The following TLK1 variants were observed in gnomAD, a reference collection of about 807,000 sequenced individuals.
TLK1 encodes tousled like kinase 1, also known as serine/threonine-protein kinase tousled-like 1.
Under a neutral mutation model 105.3 loss-of-function variants are expected in TLK1, and 24 were observed. That is an observed-to-expected ratio of 0.23 (90% CI 0.17 to 0.32). The LOEUF (loss-of-function observed/expected upper bound fraction) is 0.32. Ranked by LOEUF, TLK1 falls within the 10% of genes least tolerant of loss-of-function variation. The pLI, the probability that TLK1 is intolerant of heterozygous loss-of-function variation, is 1.00. For missense variants in TLK1, 558 were observed against 910.5 expected (o/e 0.61, Z 4.98); for synonymous variants, 321 against 310.4 (o/e 1.03, Z -0.36).
intron 1 of TLK1, among the ~76,000 whole-genome samples, chr2:171,181,498 G>T (rs571468389): frequency 4.6e-5 from 7 of 152,174 alleles, no homozygotes; most frequent in Admixed American, 6.5e-5. Context: ...ATAAAGAAAA[G>T]GTTTATTTGG....
chr2:171,223,388 T>C (rs995383850), intron 1 of TLK1, among the ~76,000 whole-genome samples: 1 of 152,176 alleles, frequency 6.6e-6, no homozygotes, highest in Non-Finnish European at 1.5e-5. Flanking sequence ...TTTGCATTTA[T>C]CTGATGATTA....
At chr2:171,138,959 T>C (rs1040980642) in intron 1 of TLK1, among the ~76,000 whole-genome samples, 4 of 152,184 alleles carry the variant, frequency 2.6e-5, no homozygotes, top group African/African-American at 9.7e-5. Context: ...GATGAAATTT[T>C]CCAAAGGCAT....
chr2:171,202,546 C>A (rs1395370904), intron 1 of TLK1, among the ~76,000 whole-genome samples: 2 of 151,930 alleles, frequency 1.3e-5, no homozygotes, highest in Non-Finnish European at 2.9e-5. Context: ...AACACGAGGT[C>A]AGGAGTTCAA....
At chr2:171,174,783 T>G (rs1186162484) in intron 1 of TLK1, among the ~76,000 whole-genome samples, 1 of 152,204 alleles carries the variant, frequency 6.6e-6, no homozygotes, top group Non-Finnish European at 1.5e-5. Flanking sequence ...GATAACATTT[T>G]TTTTCCTTTT....
chr2:171,136,527 G>A (rs1212653914), intron 1 of TLK1, among the ~76,000 whole-genome samples: 2 of 152,174 alleles, frequency 1.3e-5, no homozygotes, highest in Admixed American at 1.3e-4. Context: ...TCCAGCCTGG[G>A]TGACAGAGTG....
At chr2:171,174,520 T>C (rs1480495982) in intron 1 of TLK1, among the ~76,000 whole-genome samples, 1 of 152,170 alleles carries the variant, frequency 6.6e-6, no homozygotes, top group Non-Finnish European at 1.5e-5. Flanking sequence ...TAACATGCAA[T>C]ATTAAGCTCT....
intron 8 of TLK1, among the ~76,000 whole-genome samples, chr2:171,052,157 G>A (rs1158368835): frequency 6.6e-6 from 1 of 152,098 alleles, no homozygotes; most frequent in Non-Finnish European, 1.5e-5. Flanking sequence ...CTACTTGGGA[G>A]CCTGAGGTAG....
chr2:171,066,140 A>ATT (rs1325120947), intron 3 of TLK1, among the ~76,000 whole-genome samples: 2 of 152,210 alleles, frequency 1.3e-5, no homozygotes, highest in Admixed American at 1.3e-4. Flanking sequence ...TTTAATATTG[A>ATT]TAACTATTAT....
Position 171,101,568 on chromosome 2 carries a change from G to T in TLK1, c.258+16171C>A, listed in dbSNP as rs1689695710. Among the ~76,000 whole-genome samples the T allele has an allele frequency of 2.0e-5, 3 of 152,092 alleles. 1 individual carries two copies. The South Asian group carries it at 6.2e-4, about 32-fold the overall frequency. ...TTAGAGTTCGACAGTGGTAATGGTT[G>T]CATAAAAAAGTGAATACATTAAAAA... On this transcript the variant is annotated intron_variant, in intron 2 of 20. Coordinates refer to ENST00000431350, the MANE Select transcript of TLK1 (RefSeq NM_012290.5).
intron 2 of TLK1, among the ~76,000 whole-genome samples, chr2:171,100,244 A>G (rs1689629998): frequency 6.6e-6 from 1 of 152,196 alleles, no homozygotes; most frequent in South Asian, 2.1e-4. Context: ...TGGATTGAAT[A>G]TGGTCTGTTC....
intron 11 of TLK1, among the ~76,000 whole-genome samples, chr2:171,034,801 G>A (rs1244787063): frequency 2.6e-5 from 4 of 152,154 alleles, no homozygotes; most frequent in Non-Finnish European, 4.4e-5. Flanking sequence ...TGGGAGGGAT[G>A]AAACTAGTCT....
chr2:171,171,720 T>C (rs1426436367), intron 1 of TLK1, among the ~76,000 whole-genome samples: 3 of 152,170 alleles, frequency 2.0e-5, no homozygotes, highest in Non-Finnish European at 1.5e-5. Context: ...TAAATATCTT[T>C]AGTCAACAAC....
intron 14 of TLK1, among the ~76,000 whole-genome samples, chr2:171,010,327 G>A (rs1464726824): frequency 6.6e-6 from 1 of 152,146 alleles, no homozygotes; most frequent in Non-Finnish European, 1.5e-5. Context: ...TGAGGTCAGG[G>A]AAGTCAGAAG....
intron 1 of TLK1, chr2:171,154,524 T>C (rs931595202): frequency 6.6e-6 from 1 of 152,206 alleles, no homozygotes. Context: ...GAGAGGTTTG[T>C]ACTAGATTGC....
At chr2:171,215,361 A>G (rs1693694047) in intron 1 of TLK1, among the ~76,000 whole-genome samples, 1 of 152,234 alleles carries the variant, frequency 6.6e-6, no homozygotes, top group South Asian at 2.1e-4. Context: ...CAACACAAAT[A>G]CAGAACAGAG....
intron 3 of TLK1, among the ~76,000 whole-genome samples, chr2:171,073,882 C>G (rs1245949735): frequency 1.0e-4 from 3 of 29,190 alleles, no homozygotes; most frequent in Non-Finnish European, 3.5e-4. Context: ...TCCCCCCCCC[C>G]CTCCTTTTTT....
At chr2:171,112,858 G>T (rs1439884431) in intron 2 of TLK1, among the ~76,000 whole-genome samples, 1 of 152,096 alleles carries the variant, frequency 6.6e-6, no homozygotes, top group Non-Finnish European at 1.5e-5. Flanking sequence ...AGAAGTCCAT[G>T]GGGAGAACTG....
intron 1 of TLK1, among the ~76,000 whole-genome samples, chr2:171,208,129 T>G (rs1693542620): frequency 6.6e-6 from 1 of 152,160 alleles, no homozygotes; most frequent in Non-Finnish European, 1.5e-5. Flanking sequence ...TTTCTTTTTC[T>G]TTTTTTACTT....
chr2:171,208,904 C>T (rs1450244091), intron 1 of TLK1, among the ~76,000 whole-genome samples: 1 of 152,214 alleles, frequency 6.6e-6, no homozygotes, highest in Admixed American at 6.5e-5. Context: ...AGCAATACAT[C>T]TGTACTTGTA....
Sources: allele counts gnomAD v4.1 joint callset (sites outside exome capture counted in the v4.1 genomes callset), GRCh38; gene constraint gnomAD v4.1.1; transcripts MANE v1.5; gene names NCBI Gene and HGNC (gene_info 2026-07-23, HGNC 2026-07-21).